The following VPS50 variants were observed in gnomAD, a reference collection of about 807,000 sequenced individuals.
VPS50 encodes syndetin.
In VPS50, 70 loss-of-function variants were observed where a neutral mutation model predicts 139.7. That is an observed-to-expected ratio of 0.50 (90% CI 0.41 to 0.61). The LOEUF (loss-of-function observed/expected upper bound fraction) is 0.61, where lower values mean the gene tolerates loss of function less well. Among genes scored for constraint, VPS50 ranks in the 20% least tolerant of loss-of-function variants. The pLI is 0.00. For missense variants in VPS50, 921 were observed against 1,133.7 expected (o/e 0.81, Z 2.69); for synonymous variants, 365 against 376.7 (o/e 0.97, Z 0.36).
intron 9 of VPS50, among the ~76,000 whole-genome samples, chr7:93,267,100 T>C (rs1795864993): frequency 6.6e-6 from 1 of 152,236 alleles, no homozygotes. Context: ...TTTGTTTTGA[T>C]AGAGAAGCTG....
intron 23 of VPS50, among the ~76,000 whole-genome samples, chr7:93,341,985 G>T (rs186617395): frequency 3.3e-5 from 5 of 152,198 alleles, no homozygotes; most frequent in African/African-American, 1.2e-4. Context: ...CAAGATGGCC[G>T]AATAGGAACA....
At chr7:93,267,061 A>G (rs927871360) in intron 9 of VPS50, among the ~76,000 whole-genome samples, 1 of 152,222 alleles carries the variant, frequency 6.6e-6, no homozygotes, top group Non-Finnish European at 1.5e-5. Context: ...TAGGTTTATT[A>G]TAATTTCATA....
chr7:93,323,777 AT>A, intron 21 of VPS50, 45 bp downstream of exon 21: 2 of 1,061,816 alleles, frequency 1.9e-6, no homozygotes, highest in Non-Finnish European at 2.6e-6. Context: ...TTTAAAATTT[AT>A]TTTATAAATG....
chr7:93,290,504 A>G (rs1796618446), intron 12 of VPS50, among the ~76,000 whole-genome samples: 1 of 147,398 alleles, frequency 6.8e-6, no homozygotes, highest in Admixed American at 6.8e-5. Context: ...ATTTCCTCAT[A>G]TGTTTTTGTT....
chr7:93,323,802 T>C, intron 21 of VPS50, 70 bp downstream of exon 21: 1 of 797,940 alleles, frequency 1.3e-6, no homozygotes, highest in Non-Finnish European at 1.8e-6. Flanking sequence ...AAGTTTTTCA[T>C]TCTCTCTATA....
intron 20 of VPS50, 30 bp downstream of exon 20, chr7:93,311,302 T>C: frequency 1.1e-6 from 1 of 875,012 alleles, no homozygotes; most frequent in South Asian, 1.3e-5. Context: ...AAAAAAATTA[T>C]AACAGTTAAA....
In VPS50 at chr7:93,349,953, C is replaced by G. The variant is rs1798510680; in HGVS notation, c.2383C>G (p.Leu795Val). 6.2e-7 allele frequency: 1 copy of G among 1,612,496 alleles called. No individual in the cohort carries two copies. The highest frequency in any genetic ancestry group is 8.5e-7 in the Non-Finnish European group (1 of 1,178,636). The change falls in exon 25 of 28, where the codon CTG (leucine) becomes GTG (valine). Residue 795 changes from leucine (L) to valine (V), a missense_variant. Leu to Val is a conservative substitution (Grantham distance 32). This residue lies in a region of VPS50 where 744 missense variants were observed against 930.6 expected (regional missense o/e 0.80). Coordinates refer to ENST00000305866, the MANE Select transcript of VPS50 (RefSeq NM_017667.4). ...TAAAGCCCTTGATTATGAACAGATGCTGCTTCTCATGGCTAATGTGAAATG... is the reference window on the plus strand; with the variant it reads ...TAAAGCCCTTGATTATGAACAGATGGTGCTTCTCATGGCTAATGTGAAATG... Reference protein sequence around the residue: ...AGKALDYEQMLLLMANVKWDV... With the variant: ...AGKALDYEQMVLLMANVKWDV...
intron 24 of VPS50, among the ~76,000 whole-genome samples, chr7:93,349,634 T>C (rs145752685): frequency 6.6e-6 from 1 of 152,328 alleles, no homozygotes; most frequent in East Asian, 1.9e-4. Flanking sequence ...TGAAGAGCTC[T>C]AGTTCTTTGA....
intron 1 of VPS50, among the ~76,000 whole-genome samples, chr7:93,237,760 T>A (rs1794859588): frequency 6.6e-6 from 1 of 152,184 alleles, no homozygotes; most frequent in East Asian, 1.9e-4. Flanking sequence ...TTTTTTTATT[T>A]TTAGTTCAAG....
intron 20 of VPS50, among the ~76,000 whole-genome samples, chr7:93,319,931 A>T (rs536957824): frequency 6.6e-6 from 1 of 151,928 alleles, no homozygotes; most frequent in African/African-American, 2.4e-5. Context: ...GAAGTCTTTT[A>T]TATTCTTTTT....
intron 22 of VPS50, among the ~76,000 whole-genome samples, chr7:93,338,733 G>C (rs1435667618): frequency 6.6e-6 from 1 of 152,102 alleles, no homozygotes; most frequent in East Asian, 1.9e-4. Context: ...GTTGGATTGA[G>C]GCTTTAAAAC....
chr7:93,324,569 T>C (rs1358474216), intron 21 of VPS50, among the ~76,000 whole-genome samples: 1 of 152,244 alleles, frequency 6.6e-6, no homozygotes, highest in Non-Finnish European at 1.5e-5. Context: ...TTTGGTTCTG[T>C]TTATATGCTG....
intron 16 of VPS50, among the ~76,000 whole-genome samples, chr7:93,297,762 T>G (rs1796854440): frequency 6.6e-6 from 1 of 152,068 alleles, no homozygotes; most frequent in African/African-American, 2.4e-5. Context: ...TAGGAATGGT[T>G]TGGGTAGTGG....
intron 20 of VPS50, among the ~76,000 whole-genome samples, chr7:93,311,582 T>C (rs1797268999): frequency 6.6e-6 from 1 of 152,132 alleles, no homozygotes; most frequent in South Asian, 2.1e-4. Flanking sequence ...GTAAGATAAG[T>C]TAGTACCAGT....
chr7:93,244,842 G>A (rs775742537), intron 2 of VPS50, among the ~76,000 whole-genome samples: 6 of 151,786 alleles, frequency 4.0e-5, no homozygotes, highest in Non-Finnish European at 8.8e-5. Context: ...TTTTTCTTAG[G>A]TGCTCATGGC....
In VPS50 at chr7:93,346,371, A is replaced by G. The variant is rs1584492653; in HGVS notation, c.2208-2340A>G. Among the ~76,000 whole-genome samples, 4 of 152,352 alleles carry G rather than the reference A, an allele frequency of 2.6e-5. No individual in the cohort carries two copies. The South Asian group carries it at 8.3e-4, about 32-fold the overall frequency. On this transcript the variant is annotated intron_variant, in intron 23 of 27. Coordinates refer to ENST00000305866, the MANE Select transcript of VPS50 (RefSeq NM_017667.4). Reference sequence around the variant, plus strand: ...CATTCCATGCTCATGGGTAGGAAGAATCAATATAATGAAAATGGCCATACT... The same window carrying G: ...CATTCCATGCTCATGGGTAGGAAGAGTCAATATAATGAAAATGGCCATACT...
intron 26 of VPS50, among the ~76,000 whole-genome samples, chr7:93,354,055 G>T (rs1472537988): frequency 1.3e-5 from 2 of 152,106 alleles, no homozygotes; most frequent in South Asian, 2.1e-4. Flanking sequence ...TGATGGTGAT[G>T]ATTGTTATAC....
At position 93,296,764 on chromosome 7, in the gene VPS50, C is replaced by T. The variant is rs1410392440; in HGVS notation, c.1190C>T (p.Thr397Ile). Residue 397 changes from threonine to isoleucine, a missense_variant, in exon 15 of 28, where the codon ACC becomes ATC. Physicochemically the swap from Thr to Ile is moderately conservative, Grantham distance 89 (BLOSUM62 -1). Transcript: ENST00000305866. ...CAGGATGTTCAGCTAAAAGTAAAAA[C>T]CTACTTGCTTGGAACTGATTTGTCT... ...IWQDVQLKVK[T>I]YLLGTDLSIF... 3 of 1,603,652 alleles carry T rather than the reference C, an allele frequency of 1.9e-6. No homozygotes were observed. The highest frequency in any genetic ancestry group is 1.7e-6 in the Non-Finnish European group (2 of 1,177,766).
chr7:93,257,966 AC>A (rs1795540411), intron 6 of VPS50, 192 bp from the exon 7 acceptor site: 1 of 440,622 alleles, frequency 2.3e-6, no homozygotes, highest in South Asian at 4.6e-5. Flanking sequence ...GTGAATTGGC[AC>A]CAATCTTCTC....
Sources: gnomAD v4.1 joint callset for allele counts (sites outside exome capture counted in the v4.1 genomes callset) on GRCh38, gnomAD v4.1.1 for gene constraint, gnomAD v4.1.1 regional missense constraint, MANE v1.5 for transcripts, NCBI Gene and HGNC (gene_info 2026-07-23, HGNC 2026-07-21) for gene names.